Variants in COL4A1 observed in about 807,000 individuals in gnomAD.
COL4A1 encodes collagen alpha-1(IV) chain.
In COL4A1, 40 loss-of-function variants were observed where a neutral mutation model predicts 216.6. The ratio of observed to expected loss-of-function variants is 0.18; its 90% CI spans 0.14 to 0.24. The LOEUF (loss-of-function observed/expected upper bound fraction) is 0.24. Among genes scored for constraint, COL4A1 ranks in the 10% least tolerant of loss-of-function variants. The pLI, the probability that COL4A1 is intolerant of heterozygous loss-of-function variation, is 1.00. For missense variants in COL4A1, 1,628 were observed against 2,196.8 expected, an observed-to-expected ratio of 0.74 and a Z score of 5.18; for synonymous variants, 839 against 810.7, an observed-to-expected ratio of 1.03 and a Z score of -0.59.
chr13:110,293,332 T>C (rs1884158911), intron 1 of COL4A1, among the ~76,000 whole-genome samples: 1 of 152,208 alleles, frequency 6.6e-6, no homozygotes, highest in Admixed American at 6.5e-5. Context: ...TAAAATGTTG[T>C]AGAGGTAGCG....
chr13:110,157,690 T>A (rs1365990872), intron 49 of COL4A1, among the ~76,000 whole-genome samples: 2 of 152,206 alleles, frequency 1.3e-5, no homozygotes, highest in Non-Finnish European at 2.9e-5. Flanking sequence ...GACTTTCTGG[T>A]CCAATGACAT....
At chr13:110,175,601 A>G (rs1327060168) in intron 36 of COL4A1, among the ~76,000 whole-genome samples, 1 of 152,254 alleles carries the variant, frequency 6.6e-6, no homozygotes, top group Non-Finnish European at 1.5e-5. Flanking sequence ...CTTTAAGACC[A>G]TCATGTTATA....
At chr13:110,302,186 G>T (rs1566457038) in intron 1 of COL4A1, among the ~76,000 whole-genome samples, 1 of 152,186 alleles carries the variant, frequency 6.6e-6, no homozygotes, top group Non-Finnish European at 1.5e-5. Context: ...GAAGAGGAAA[G>T]GCTAAAGCCT....
chr13:110,296,448 T>C (rs541330210), intron 1 of COL4A1, among the ~76,000 whole-genome samples: 2 of 152,222 alleles, frequency 1.3e-5, no homozygotes, highest in East Asian at 3.8e-4. Flanking sequence ...TTTAAGTACA[T>C]ACGAATATCG....
intron 2 of COL4A1, among the ~76,000 whole-genome samples, chr13:110,222,471 T>TA (rs985089456): frequency 6.6e-6 from 1 of 152,114 alleles, no homozygotes; most frequent in African/African-American, 2.4e-5. Context: ...TGGTGGACCT[T>TA]AAAGAATTAA....
intron 28 of COL4A1, among the ~76,000 whole-genome samples, chr13:110,182,617 T>TGCGACTCCTTGCACCTCCCC (rs1397785230): frequency 6.6e-6 from 1 of 152,198 alleles, no homozygotes; most frequent in Non-Finnish European, 1.5e-5. Flanking sequence ...GGCCCCTCCC[T>TGCGACTCCTTGCACCTCCCC]GCGACTCCTT....
chr13:110,168,534 A>G (rs1877449929), intron 43 of COL4A1, among the ~76,000 whole-genome samples: 1 of 152,242 alleles, frequency 6.6e-6, no homozygotes, highest in Non-Finnish European at 1.5e-5. Context: ...CCAGTTCTGC[A>G]TAATTATTTA....
intron 1 of COL4A1, among the ~76,000 whole-genome samples, chr13:110,247,643 T>G (rs1436734464): frequency 6.6e-6 from 1 of 152,028 alleles, no homozygotes; most frequent in Non-Finnish European, 1.5e-5. Context: ...CTATTTCTGG[T>G]TTTCTCGCAT....
chr13:110,169,922 A>G (rs1566346237), intron 42 of COL4A1, among the ~76,000 whole-genome samples, 160 bp from the exon 43 acceptor site: 1 of 144,264 alleles, frequency 6.9e-6, no homozygotes, highest in African/African-American at 2.5e-5. Context: ...TCCAGGAAGG[A>G]AGGAAGGAGG....
chr13:110,152,344 C>T lies in COL4A1; in HGVS notation c.4918G>A (p.Glu1640Lys), dbSNP rs753360259. Residue 1640 changes from glutamate (E) to lysine (K), a missense_variant, in exon 51 of 52, where the codon GAG (glutamate) becomes AAG (lysine). Transcript: ENST00000375820. ...AGTGCTCCCACTTACTTGAACATCT[C>T]GCTCCTCTCTATGGTGGCGAGCCAA... is the stretch of plus-strand genomic sequence containing the variant. The part of the protein sequence containing the change: ...SFWLATIERS[E>K]MFKKPTPSTL... The T allele has an allele frequency of 5.6e-6, 9 of 1,614,046 alleles. No individual in the cohort carries two copies. In the Admixed American group the frequency reaches 8.3e-5, roughly 15 times the overall value.
At chr13:110,259,507 T>C (rs1882730870) in intron 1 of COL4A1, among the ~76,000 whole-genome samples, 1 of 152,222 alleles carries the variant, frequency 6.6e-6, no homozygotes, top group Non-Finnish European at 1.5e-5. Flanking sequence ...ATTGTCCATC[T>C]TTCCTCTTCT....
At chr13:110,153,635 A>G (rs1360029186) in intron 50 of COL4A1, among the ~76,000 whole-genome samples, 1 of 152,118 alleles carries the variant, frequency 6.6e-6, no homozygotes, top group East Asian at 1.9e-4. Flanking sequence ...AGCATTTTCA[A>G]CCTTTCTGGC....
chr13:110,255,427 T>C (rs564392495), intron 1 of COL4A1, among the ~76,000 whole-genome samples: 11 of 144,882 alleles, frequency 7.6e-5, no homozygotes, highest in African/African-American at 2.3e-4. Flanking sequence ...GGGAGAAGAG[T>C]GCAAGGGAGG....
rs574930022 is a variant in COL4A1, at chr13:110,226,440, C to A, written c.145-12425G>T. On this transcript the variant is annotated intron_variant, in intron 2 of 51. Coordinates refer to ENST00000375820, the MANE Select transcript of COL4A1 (RefSeq NM_001845.6). ...AATCCCCAGATTACTTCCTTACCCC[C>A]AAGCAAGTTACTTGTCTGTATCTTA... Among the ~76,000 whole-genome samples, 5 of 152,322 alleles carry A rather than the reference C, an allele frequency of 3.3e-5. No homozygotes were observed. The South Asian group carries it at 1.0e-3, about 32-fold the overall frequency.
intron 1 of COL4A1, among the ~76,000 whole-genome samples, chr13:110,256,357 G>C (rs1174317719): frequency 2.0e-5 from 3 of 152,196 alleles, no homozygotes; most frequent in African/African-American, 4.8e-5. Flanking sequence ...AATGGTTTTG[G>C]ACGAGGATGA....
chr13:110,213,104 C>T (rs1879896412), intron 4 of COL4A1, among the ~76,000 whole-genome samples: 1 of 151,934 alleles, frequency 6.6e-6, no homozygotes. Context: ...CAATGGACTT[C>T]GGGACTCAGG....
intron 43 of COL4A1, among the ~76,000 whole-genome samples, chr13:110,169,404 T>A (rs1302339207): frequency 6.6e-6 from 1 of 151,866 alleles, no homozygotes; most frequent in Non-Finnish European, 1.5e-5. Flanking sequence ...TGTAAAAAAA[T>A]GTTACAATAG....
rs1566418868 is a variant in COL4A1 at position 110,253,700 on chromosome 13, ACG to A, written c.85-10968_85-10967del. Among the ~76,000 whole-genome samples, 92 of 112,000 alleles carry A rather than the reference ACG, an allele frequency of 8.2e-4. 1 individual carries two copies. Among genetic ancestry groups the A allele is most frequent in the African/African-American group, 8.8e-4 (30 of 33,946 alleles). 73.5% of individuals were successfully genotyped at this position (112,000 alleles called of 152,430 possible). ...ATGTATTACATATACATATAATTATACGTATGTATTACATATACGTATAATTA... is the reference window on the plus strand; with the variant it reads ...ATGTATTACATATACATATAATTATATATGTATTACATATACGTATAATTA... On this transcript the variant is annotated intron_variant, in intron 1 of 51. Coordinates refer to ENST00000375820, the MANE Select transcript of COL4A1 (RefSeq NM_001845.6).
rs531986022 is a variant in COL4A1 at position 110,197,643 on chromosome 13, C to A, written c.1285+824G>T. ...CACATTCCCCATCGAAGCTGCCAGG[C>A]TGGAATCCATGGCTCCATCTAGTCC... On this transcript the variant is annotated intron_variant, in intron 21 of 51. Coordinates refer to ENST00000375820, the MANE Select transcript of COL4A1 (RefSeq NM_001845.6). Among the ~76,000 whole-genome samples the A allele has an allele frequency of 5.3e-5, 8 of 152,332 alleles. No homozygotes were observed. The East Asian group carries it at 1.5e-3, about 29-fold the overall frequency.
Sources: allele counts gnomAD v4.1 joint callset (sites outside exome capture counted in the v4.1 genomes callset), GRCh38; gene constraint gnomAD v4.1.1; transcripts MANE v1.5; gene names NCBI Gene and HGNC (gene_info 2026-07-23, HGNC 2026-07-21).